SELP: variants seen among roughly 807,000 people sequenced by gnomAD.
SELP encodes the protein P-selectin.
A neutral mutation model predicts 104.1 loss-of-function variants in SELP; 92 were observed. That is an observed-to-expected ratio of 0.88 (90% CI 0.75 to 1.05). The LOEUF is 1.05. Ranked by LOEUF, SELP falls within the 50% of genes least tolerant of loss-of-function variation. SELP has a pLI of 0.00. For synonymous variants in SELP, 397 were observed against 364.5 expected, an observed-to-expected ratio of 1.09 and a Z score of -1.01; for missense variants, 1,022 against 1,017.3, an observed-to-expected ratio of 1.00 and a Z score of -0.06.
chr1:169,620,304 G>A (rs1663033021), intron 1 of SELP, among the ~76,000 whole-genome samples: 1 of 151,968 alleles, frequency 6.6e-6, no homozygotes, highest in South Asian at 2.1e-4. Flanking sequence ...TGAAGCTTGG[G>A]GCATCTAAAT....
intron 5 of SELP, 49 bp downstream of exon 5, chr1:169,612,880 C>T (rs1196234510): frequency 3.4e-6 from 5 of 1,464,734 alleles, no homozygotes; most frequent in Non-Finnish European, 4.6e-6. Flanking sequence ...GTCCTCTTCT[C>T]CCCCAAAATT....
chr1:169,629,606 C>A (rs1663537580), intron 1 of SELP, among the ~76,000 whole-genome samples: 1 of 152,164 alleles, frequency 6.6e-6, no homozygotes. Flanking sequence ...AGAAACTATT[C>A]AATTGTAAGC....
At position 169,596,154 on chromosome 1, in the gene SELP, CCATT is replaced by C. The variant is rs748681708; in HGVS notation, c.1892-24_1892-21del. 1 of 1,608,142 alleles carries C rather than the reference CCATT, an allele frequency of 6.2e-7. No homozygotes were observed. The highest frequency in any genetic ancestry group is 8.5e-7 in the Non-Finnish European group (1 of 1,175,126). On this transcript the variant is annotated intron_variant, in intron 11 of 16. Transcript: ENST00000263686. ...CTATGCCTGTTGTGAGAAAATGTTT[CCATT>C]CAGAGACCTCCCAATTAAAAGAAGC...
Position 169,594,692 on chromosome 1 carries a change from C to T in SELP, c.2287G>A (p.Ala763Thr). 1 of 1,612,116 alleles carries T rather than the reference C, an allele frequency of 6.2e-7. No homozygotes were observed. The highest frequency in any genetic ancestry group is 8.5e-7 in the Non-Finnish European group (1 of 1,178,868). Residue 763 changes from alanine to threonine, a missense_variant and splice_region_variant, in exon 13 of 17, where the codon GCA becomes ACA. Physicochemically the swap from Ala to Thr is moderately conservative, Grantham distance 58. Coordinates refer to ENST00000263686, the MANE Select transcript of SELP (RefSeq NM_003005.4). ...TTCTTAACCCACATGAAAATTGTAC[C>T]TTGGCAGGTTGGCACGGTAGTTGAC... Reference protein sequence around the residue: ...HWSTTVPTCQAGPLTIQEALT... With the variant: ...HWSTTVPTCQTGPLTIQEALT...
At chr1:169,601,363 T>C (rs766332469) in intron 10 of SELP, among the ~76,000 whole-genome samples, 1 of 152,186 alleles carries the variant, frequency 6.6e-6, no homozygotes, top group Non-Finnish European at 1.5e-5. Context: ...CCTTTTGGAA[T>C]TGAGAAAACG....
intron 8 of SELP, 29 bp downstream of exon 8, chr1:169,609,475 A>G: frequency 1.3e-6 from 2 of 1,592,216 alleles, no homozygotes; most frequent in Non-Finnish European, 1.7e-6. Flanking sequence ...GCTGAGACAC[A>G]CAGAAAAACA....
At chr1:169,618,027 C>T (rs913242700) in intron 2 of SELP, among the ~76,000 whole-genome samples, 1 of 152,202 alleles carries the variant, frequency 6.6e-6, no homozygotes, top group Non-Finnish European at 1.5e-5. Context: ...TTCCTCCAGG[C>T]TCCCACAGCA....
chr1:169,598,244 A>G lies in SELP; in HGVS notation c.1706-1068T>C, dbSNP rs571965796. 1.2e-3 allele frequency among the ~76,000 whole-genome samples: 189 copies of G among 152,306 alleles called. No homozygotes were observed. The South Asian group carries it at 0.016, about 13-fold the overall frequency. On this transcript the variant is annotated intron_variant, in intron 10 of 16. Coordinates refer to ENST00000263686, the MANE Select transcript of SELP (RefSeq NM_003005.4). ...TCTAATATAAGACTATTATTTATCAATAAATGTTGGGTTATAGACAAATGA... is the reference window on the plus strand; with the variant it reads ...TCTAATATAAGACTATTATTTATCAGTAAATGTTGGGTTATAGACAAATGA...
At chr1:169,593,831 T>A in intron 13 of SELP, 107 bp from the exon 14 acceptor site, 1 of 1,142,326 alleles carries the variant, frequency 8.8e-7, no homozygotes, top group Non-Finnish European at 1.2e-6. Flanking sequence ...TGCGATCAAG[T>A]AGGATCACCA....
intron 11 of SELP, 65 bp from the exon 12 acceptor site, chr1:169,596,199 G>A: frequency 2.1e-6 from 3 of 1,438,612 alleles, no homozygotes; most frequent in Non-Finnish European, 2.9e-6. Context: ...CAGAGTTAAG[G>A]CTAATCTGGA....
chr1:169,603,303 C>CTGTGTGTGTGTGTG (rs1456565599), intron 9 of SELP, 92 bp from the exon 10 acceptor site: 216 of 694,480 alleles, frequency 3.1e-4, no homozygotes, highest in Admixed American at 3.9e-4. Context: ...CTCCCTCTCT[C>CTGTGTGTGTGTGTG]TCTCTGTGTG....
chr1:169,593,589 ACT>A lies in SELP; in HGVS notation c.2407+14_2407+15del. 1.9e-6 allele frequency: 3 copies of A among 1,607,464 alleles called. No homozygotes were observed. The highest frequency in any genetic ancestry group is 2.6e-6 in the Non-Finnish European group (3 of 1,175,412). On this transcript the variant is annotated intron_variant, in intron 14 of 16. Coordinates refer to ENST00000263686, the MANE Select transcript of SELP (RefSeq NM_003005.4). ...TATGTAACCAAGATGCAAAGAGAAGACTCTTTCCTATTTACCTTTTTGTCTGA... is the reference window on the plus strand; with the variant it reads ...TATGTAACCAAGATGCAAAGAGAAGACTTTCCTATTTACCTTTTTGTCTGA...
chr1:169,620,795 T>TTTTGTGTGTG (rs1663061831), intron 1 of SELP, among the ~76,000 whole-genome samples: 1 of 110,832 alleles, frequency 9.0e-6, no homozygotes, highest in Non-Finnish European at 1.8e-5. Flanking sequence ...CGGTGTGGGG[T>TTTTGTGTGTG]TGTGTGTGTG....
At position 169,621,695 on chromosome 1, in the gene SELP, C is replaced by T. The variant is rs189721806; in HGVS notation, c.4-2476G>A. 1.7e-3 allele frequency among the ~76,000 whole-genome samples: 259 copies of T among 152,282 alleles called. 2 individuals are homozygous for T. Among genetic ancestry groups the T allele is most frequent in the Non-Finnish European group, 5.1e-4 (35 of 68,022 alleles). On this transcript the variant is annotated intron_variant, in intron 1 of 16. Transcript: ENST00000263686. ...ACTTTTCATCTGGGAGCTTCTGAAT[C>T]TTGACTTTGGTAAGTAGGCATATTT...
chr1:169,619,201 T>C lies in SELP; in HGVS notation c.22A>G (p.Ile8Val), dbSNP rs1450909646. 3.7e-6 allele frequency: 6 copies of C among 1,614,014 alleles called. No individual in the cohort carries two copies. Among genetic ancestry groups the C allele is most frequent in the African/African-American group, 1.3e-5 (1 of 75,064 alleles). Residue 8 changes from isoleucine (I) to valine (V), a missense_variant, in exon 2 of 17, where the codon ATC (isoleucine) becomes GTC (valine). Physicochemically the swap from Ile to Val is conservative, Grantham distance 29. Transcript: ENST00000263686. MANCQIAILYQRFQRVVF... is the reference protein window; with the variant it reads MANCQIAVLYQRFQRVVF... ...ACTCTCTGGAATCTCTGGTACAAGA[T>C]GGCTATTTGGCAGTTGGCCTGAAAC... is the stretch of plus-strand genomic sequence containing the variant.
chr1:169,609,492 C>T lies in SELP; in HGVS notation c.1333+12G>A. On this transcript the variant is annotated intron_variant, in intron 8 of 16. Transcript: ENST00000263686. Reference sequence around the variant, plus strand: ...TGAGACACACAGAAAAACATTACCACTGTTACAGTACCTTGACAGACTGGG... The same window carrying T: ...TGAGACACACAGAAAAACATTACCATTGTTACAGTACCTTGACAGACTGGG... 4.4e-6 allele frequency: 7 copies of T among 1,606,346 alleles called. No individual in the cohort carries two copies. Among genetic ancestry groups the T allele is most frequent in the Non-Finnish European group, 6.0e-6 (7 of 1,175,736 alleles).
At chr1:169,606,798 G>A (rs1048310715) in intron 9 of SELP, 151 bp downstream of exon 9, 1 of 694,670 alleles carries the variant, frequency 1.4e-6, no homozygotes, top group East Asian at 2.9e-5. Flanking sequence ...TGGGATCCTT[G>A]GGTTATAGGA....
At chr1:169,623,710 A>C (rs1663244291) in intron 1 of SELP, among the ~76,000 whole-genome samples, 1 of 152,206 alleles carries the variant, frequency 6.6e-6, no homozygotes, top group Non-Finnish European at 1.5e-5. Flanking sequence ...CCAAATACCA[A>C]GATTCACCTC....
At chr1:169,602,588 T>C (rs757746479) in intron 10 of SELP, among the ~76,000 whole-genome samples, 6 of 152,186 alleles carry the variant, frequency 3.9e-5, no homozygotes, top group Non-Finnish European at 7.3e-5. Context: ...AGGAATGCTA[T>C]AATGACATGA....
Sources: gnomAD v4.1 joint callset for allele counts (sites outside exome capture counted in the v4.1 genomes callset) on GRCh38, gnomAD v4.1.1 for gene constraint, MANE v1.5 for transcripts, NCBI Gene and HGNC (gene_info 2026-07-23, HGNC 2026-07-21) for gene names.